The following SMAD6 variants were observed in gnomAD, a reference collection of about 807,000 sequenced individuals.
SMAD6 encodes MAD homolog 6.
A neutral mutation model predicts 39.4 loss-of-function variants in SMAD6; 103 were observed. The observed-to-expected ratio is 2.62, with a 90% CI of 2.23 to 3.08. The LOEUF is 3.08. Among genes scored for constraint, SMAD6 ranks in the 30% most tolerant of loss-of-function variants. SMAD6 has a pLI of 0.00. For missense variants in SMAD6, 1,104 were observed against 742.9 expected (o/e 1.49, Z -5.65); for synonymous variants, 445 against 353.3 (o/e 1.26, Z -2.91).
chr15:66,703,166 C>T lies in SMAD6; in HGVS notation c.-93C>T. The T allele has an allele frequency of 1.0e-6, 1 of 982,040 alleles. No homozygotes were observed. 60.8% of individuals were successfully genotyped at this position (982,040 alleles called of 1,614,324 possible). A position where few individuals can be genotyped will look rare whatever the true frequency, so the allele number is the denominator to read the frequency against. ...CTCCGCGGCGGAGCTTCATGTGGGG[C>T]TGCGACCCGCGCAGCCGGCGCCTCG... On this transcript the variant is annotated 5_prime_UTR_variant, in exon 1 of 4. Transcript: ENST00000288840.
intron 3 of SMAD6, among the ~76,000 whole-genome samples, chr15:66,778,431 C>G (rs1195485178): frequency 6.6e-6 from 1 of 152,198 alleles, no homozygotes; most frequent in Non-Finnish European, 1.5e-5. Flanking sequence ...CAGCTAGACT[C>G]TCCCTTTTTC....
intron 2 of SMAD6, among the ~76,000 whole-genome samples, chr15:66,714,328 C>T (rs1431801943): frequency 6.6e-6 from 1 of 151,926 alleles, no homozygotes; most frequent in Non-Finnish European, 1.5e-5. Context: ...ATAGCTCAGC[C>T]CACCACCTGT....
chr15:66,707,351 A>C (rs1158663549), intron 1 of SMAD6: 1 of 151,946 alleles, frequency 6.6e-6, no homozygotes, highest in South Asian at 2.1e-4. Context: ...AGACAGAGCG[A>C]GAGAGAGAGA....
At position 66,781,128 on chromosome 15, in the gene SMAD6, C is replaced by CAGGGCAGCGGCTTCTGCCT; in HGVS notation, c.1085_1103dup (p.Leu371ArgfsTer200). ...CGTCAGCATCTTCTACGACCTACCT[C>CAGGGCAGCGGCTTCTGCCT]AGGGCAGCGGCTTCTGCCTGGGCCA... On this transcript the variant is annotated frameshift_variant, in exon 4 of 4. Transcript: ENST00000288840. LOFTEE classifies it high-confidence loss of function. The CAGGGCAGCGGCTTCTGCCT allele has an allele frequency of 1.2e-6, 2 of 1,608,892 alleles. No individual in the cohort carries two copies. The highest frequency in any genetic ancestry group is 1.7e-6 in the Non-Finnish European group (2 of 1,179,768).
intron 1 of SMAD6, among the ~76,000 whole-genome samples, chr15:66,711,440 G>A (rs907651844): frequency 1.3e-5 from 2 of 152,174 alleles, no homozygotes; most frequent in African/African-American, 4.8e-5. Context: ...AGTTGCTTGA[G>A]GTCACACAGC....
intron 1 of SMAD6, chr15:66,708,689 TA>T (rs1893168889): frequency 2.1e-6 from 1 of 470,602 alleles, no homozygotes; most frequent in Non-Finnish European, 4.4e-6. Context: ...AAAGGCCATA[TA>T]TTGTATGAAA....
At chr15:66,760,654 G>A (rs949851165) in intron 3 of SMAD6, among the ~76,000 whole-genome samples, 3 of 152,188 alleles carry the variant, frequency 2.0e-5, no homozygotes, top group African/African-American at 7.2e-5. Flanking sequence ...TTTGAACTGA[G>A]GTCCTTGATT....
rs1893011114 is a variant in SMAD6 at position 66,703,126 on chromosome 15, G to C, written c.-133G>C. ...GCGCCCCTTCGACGACAGGCTGTGC[G>C]CGGTCTGCACGGCGCTCCGCGGCGG... On this transcript the variant is annotated 5_prime_UTR_variant, in exon 1 of 4. Coordinates refer to ENST00000288840, the MANE Select transcript of SMAD6 (RefSeq NM_005585.5). The C allele has an allele frequency of 1.7e-6, 1 of 582,132 alleles. No homozygotes were observed. Among genetic ancestry groups the C allele is most frequent in the Admixed American group, 4.4e-5 (1 of 22,846 alleles). The allele number at this position is 582,132 out of a possible 1,614,324, so 36.1% of individuals were successfully genotyped here.
chr15:66,775,122 A>G (rs1193408034), intron 3 of SMAD6, among the ~76,000 whole-genome samples: 1 of 152,012 alleles, frequency 6.6e-6, no homozygotes, highest in Non-Finnish European at 1.5e-5. Context: ...TCAGCCTCCC[A>G]AAGTGCTGAG....
chr15:66,748,622 A>G (rs1893947033), intron 3 of SMAD6, among the ~76,000 whole-genome samples: 1 of 152,216 alleles, frequency 6.6e-6, no homozygotes, highest in Non-Finnish European at 1.5e-5. Flanking sequence ...TTAAAACGTT[A>G]GCGTTTGAAC....
rs146363463 is a variant in SMAD6 at position 66,716,454 on chromosome 15, C to T, written c.908C>T (p.Thr303Met). The T allele has an allele frequency of 2.0e-5, 32 of 1,613,858 alleles. No individual in the cohort carries two copies. In the African/African-American group the frequency reaches 2.5e-4, roughly 13 times the overall value. ...GATTCCACATTGTCTTACACTGAAA[C>T]GGAGGCTACCAACTCCCTCATCACT... ...LSDSTLSYTE[T>M]EATNSLITAP... The change falls in exon 3 of 4, where the codon ACG becomes ATG. Residue 303 changes from threonine to methionine, a missense_variant. Physicochemically the swap from Thr to Met is moderately conservative, Grantham distance 81. Transcript: ENST00000288840.
intron 3 of SMAD6, among the ~76,000 whole-genome samples, chr15:66,722,127 T>G (rs751270110): frequency 7.2e-5 from 11 of 152,130 alleles, no homozygotes; most frequent in Non-Finnish European, 1.3e-4. Flanking sequence ...TTAAAAAACT[T>G]CTATCCAAAC....
intron 3 of SMAD6, among the ~76,000 whole-genome samples, chr15:66,754,787 T>C (rs1179330470): frequency 6.6e-6 from 1 of 152,132 alleles, no homozygotes; most frequent in East Asian, 1.9e-4. Context: ...GGGTGGGAGC[T>C]AAAAGTCCAT....
At chr15:66,704,139 C>T (rs1893056426) in intron 1 of SMAD6, 64 bp downstream of exon 1, 2 of 1,227,604 alleles carry the variant, frequency 1.6e-6, no homozygotes, top group Non-Finnish European at 1.1e-6. Context: ...CCGTGCCCTT[C>T]TCTCTGTGAC....
rs752593472 is a variant in SMAD6, at chr15:66,703,642, C to T, written c.384C>T (p.Leu128=). 2.2e-5 allele frequency: 27 copies of T among 1,233,524 alleles called. No individual in the cohort carries two copies. The highest frequency in any genetic ancestry group is 4.7e-5 in the African/African-American group (3 of 63,412). 76.4% of individuals were successfully genotyped at this position (1,233,524 alleles called of 1,614,324 possible). A position where few individuals can be genotyped will look rare whatever the true frequency, so the allele number is the denominator to read the frequency against. The change falls in exon 1 of 4, where the codon CTC becomes CTT. Residue 128 remains leucine, a synonymous_variant. Transcript: ENST00000288840. The part of the protein sequence containing the change: ...ESDCETVTCC[L]FSERDAAGAP... Reference sequence around the variant, plus strand: ...ACTGCGAGACGGTGACCTGCTGTCTCTTTTCGGAGCGGGACGCCGCCGGCG... The same window carrying T: ...ACTGCGAGACGGTGACCTGCTGTCTTTTTTCGGAGCGGGACGCCGCCGGCG...
At chr15:66,742,647 C>G (rs191616142) in intron 3 of SMAD6, among the ~76,000 whole-genome samples, 2 of 152,294 alleles carry the variant, frequency 1.3e-5, no homozygotes, top group East Asian at 3.9e-4. Context: ...CAATTGACCC[C>G]ATTTTTGGGA....
At chr15:66,730,620 T>TAC (rs3985649) in intron 3 of SMAD6, among the ~76,000 whole-genome samples, 109,411 of 151,396 alleles carry the variant, frequency 0.72, 39,482 homozygotes, top group East Asian at 0.84. Context: ...CATGAGTCAG[T>TAC]CCTGGCTTTT....
rs946158062 is a variant in SMAD6 at position 66,703,464 on chromosome 15, G to A, written c.206G>A (p.Arg69Gln). The A allele has an allele frequency of 8.0e-7, 1 of 1,248,498 alleles. No homozygotes were observed. Among genetic ancestry groups the A allele is most frequent in the Non-Finnish European group, 1.0e-6 (1 of 992,462 alleles). 77.3% of individuals were successfully genotyped at this position (1,248,498 alleles called of 1,614,324 possible). The change falls in exon 1 of 4, where the codon CGG (arginine) becomes CAG (glutamine). Residue 69 changes from arginine (R) to glutamine (Q), a missense_variant. Coordinates refer to ENST00000288840, the MANE Select transcript of SMAD6 (RefSeq NM_005585.5). ...EVRPVAPRRP[R>Q]DAVGQRGAQG... is the part of the protein sequence containing the mutation. ...CGCCCGGTAGCCCCGCGGCGGCCCC[G>A]GGACGCAGTGGGACAGCGAGGCGCC...
chr15:66,742,612 T>C (rs1893834755), intron 3 of SMAD6, among the ~76,000 whole-genome samples: 1 of 152,066 alleles, frequency 6.6e-6, no homozygotes, highest in South Asian at 2.1e-4. Flanking sequence ...CCGTAATTGG[T>C]CGCTCTGAAA....
Sources: allele counts gnomAD v4.1 joint callset (sites outside exome capture counted in the v4.1 genomes callset), GRCh38; gene constraint gnomAD v4.1.1; transcripts MANE v1.5; gene names NCBI Gene and HGNC (gene_info 2026-07-23, HGNC 2026-07-21).